NMNAT1: variants seen among roughly 807,000 people sequenced by gnomAD.
NMNAT1 encodes nicotinamide nucleotide adenylyltransferase 1.
A neutral mutation model predicts 16.7 loss-of-function variants in NMNAT1; 11 were observed. The ratio of observed to expected loss-of-function variants is 0.66; its 90% CI spans 0.41 to 1.09. The LOEUF is 1.09. Ranked by LOEUF, NMNAT1 falls within the 50% of genes least tolerant of loss-of-function variation. The pLI, the probability that NMNAT1 is intolerant of heterozygous loss-of-function variation, is 0.00. For synonymous variants in NMNAT1, 110 were observed against 119.8 expected (o/e 0.92, Z 0.53); for missense variants, 280 against 332.3 (o/e 0.84, Z 1.22).
rs1641329713 is a variant in NMNAT1 at position 9,958,729 on chromosome 1, C to T, written c.-56-13289C>T. Among the ~76,000 whole-genome samples, 3 of 152,160 alleles carry T rather than the reference C, an allele frequency of 2.0e-5. No individual in the cohort carries two copies. The South Asian group carries it at 6.2e-4, about 32-fold the overall frequency. On this transcript the variant is annotated intron_variant, in intron 1 of 4. Coordinates refer to ENST00000377205, the MANE Select transcript of NMNAT1 (RefSeq NM_022787.4). ...CTGGGATTAGAGGTGTGAGCCACTG[C>T]TCCCAGCCTGTTGATACTGATCTTT... is the stretch of plus-strand genomic sequence containing the variant.
Position 9,983,667 on chromosome 1 carries a change from AAAGCCTGAC to A in NMNAT1, c.*968_*976del, listed in dbSNP as rs2101718319. The stretch of plus-strand genomic sequence containing the variant: ...CGAGACTCCATCTCAAAAAAAAAAA[AAAGCCTGAC>A]AGCTAGCAGGTTTCAGGATCCATCT... On this transcript the variant is annotated 3_prime_UTR_variant, in exon 5 of 5. Coordinates refer to ENST00000377205, the MANE Select transcript of NMNAT1 (RefSeq NM_022787.4). The A allele has an allele frequency of 6.6e-6, 1 of 152,360 alleles. No homozygotes were observed. Among genetic ancestry groups the A allele is most frequent in the African/African-American group, 2.4e-5 (1 of 41,532 alleles). 9.4% of individuals were successfully genotyped at this position (152,360 alleles called of 1,614,324 possible).
At chr1:9,972,561 C>A in intron 2 of NMNAT1, 1 of 177,280 alleles carries the variant, frequency 5.6e-6, no homozygotes, top group Non-Finnish European at 1.2e-5. Context: ...ATTTCATTGA[C>A]TGGGCACAAA....
intron 1 of NMNAT1, chr1:9,950,000 G>C (rs1321939742): frequency 1.3e-5 from 2 of 152,150 alleles, no homozygotes; most frequent in Non-Finnish European, 2.9e-5. Context: ...TATTTGGGGT[G>C]AATTGGGTTA....
At position 9,982,664 on chromosome 1, in the gene NMNAT1, C is replaced by T; in HGVS notation, c.803C>T (p.Ala268Val). Reference protein sequence around the residue: ...SEDRNAGVILAPLQRNTAEAK... With the variant: ...SEDRNAGVILVPLQRNTAEAK... ...GACAGGAATGCTGGGGTCATCCTGG[C>T]CCCTTTGCAGAGAAACACTGCAGAA... is the stretch of plus-strand genomic sequence containing the variant. Residue 268 changes from alanine to valine, a missense_variant, in exon 5 of 5, where the codon GCC becomes GTC. By Grantham distance (64) the Ala-to-Val change is moderately conservative. Transcript: ENST00000377205. 6.2e-7 allele frequency: 1 copy of T among 1,613,234 alleles called. No homozygotes were observed. The highest frequency in any genetic ancestry group is 8.5e-7 in the Non-Finnish European group (1 of 1,179,546).
At position 9,943,492 on chromosome 1, in the gene NMNAT1, G is replaced by C. The variant is rs1177430170; in HGVS notation, c.-80G>C. 6.6e-6 allele frequency: 1 copy of C among 152,370 alleles called. No homozygotes were observed. The allele number at this position is 152,370 out of a possible 1,614,324, so 9.4% of individuals were successfully genotyped here. On this transcript the variant is annotated 5_prime_UTR_variant, in exon 1 of 5. Coordinates refer to ENST00000377205, the MANE Select transcript of NMNAT1 (RefSeq NM_022787.4). ...CCGCTGGTGATCTCCGGTAGCACTC[G>C]GGCCGGCGGACAGTGAGGGCGCGGT...
Position 9,975,723 on chromosome 1 carries a change from G to T in NMNAT1, c.247G>T (p.Asp83Tyr). 6.2e-7 allele frequency: 1 copy of T among 1,614,106 alleles called. No homozygotes were observed. The highest frequency in any genetic ancestry group is 8.5e-7 in the Non-Finnish European group (1 of 1,179,984). Reference protein sequence around the residue: ...ATKNSKWVEVDTWESLQKEWK... With the variant: ...ATKNSKWVEVYTWESLQKEWK... ...CAAGAATTCTAAATGGGTGGAAGTT[G>T]ATACATGGGAAAGTCTTCAGAAGGA... Residue 83 changes from aspartate (D) to tyrosine (Y), a missense_variant, in exon 3 of 5, where the codon GAT becomes TAT. Asp to Tyr is a radical substitution (Grantham distance 160). Transcript: ENST00000377205.
the NMNAT1 span, among the ~76,000 whole-genome samples, chr1:9,992,788 T>C: frequency 9.9e-5 from 15 of 152,066 alleles, no homozygotes; most frequent in Non-Finnish European, 1.8e-4. Context: ...GGCGGGTGCC[T>C]GTAGTCCCAG....
intron 1 of NMNAT1, among the ~76,000 whole-genome samples, chr1:9,971,656 A>T (rs1641690562): frequency 1.3e-5 from 2 of 151,970 alleles, no homozygotes; most frequent in African/African-American, 2.4e-5. Context: ...GAGAATGTGG[A>T]AGGACATCAA....
At chr1:9,950,492 G>C (rs573969428) in intron 1 of NMNAT1, 2 of 152,270 alleles carry the variant, frequency 1.3e-5, no homozygotes, top group Admixed American at 6.6e-5. Context: ...TGTGATGGCC[G>C]ATAGGTGGCA....
downstream of NMNAT1, among the ~76,000 whole-genome samples, chr1:9,989,237 C>T (rs1224346091): frequency 1.3e-5 from 2 of 152,066 alleles, no homozygotes; most frequent in African/African-American, 2.4e-5. Flanking sequence ...GCGGGCAGAT[C>T]ACTTGAGGTC....
At chr1:9,969,365 A>T (rs1325150810) in intron 1 of NMNAT1, among the ~76,000 whole-genome samples, 1 of 152,198 alleles carries the variant, frequency 6.6e-6, no homozygotes, top group Non-Finnish European at 1.5e-5. Context: ...GTAATGGCAG[A>T]AGTGAAAACT....
the NMNAT1 span, among the ~76,000 whole-genome samples, chr1:9,993,292 G>A: frequency 1.3e-5 from 2 of 151,944 alleles, no homozygotes; most frequent in East Asian, 3.9e-4. Flanking sequence ...CAGCCTGACC[G>A]ATACGGTGAA....
intron 1 of NMNAT1, among the ~76,000 whole-genome samples, chr1:9,970,685 G>A (rs60521944): frequency 1.2e-3 from 172 of 147,118 alleles, no homozygotes; most frequent in African/African-American, 4.0e-3. Flanking sequence ...TGAGACTCCC[G>A]TCTCAAAAAA....
intron 1 of NMNAT1, among the ~76,000 whole-genome samples, chr1:9,959,137 C>T (rs774132398): frequency 6.6e-6 from 1 of 152,038 alleles, no homozygotes; most frequent in Non-Finnish European, 1.5e-5. Context: ...TTTGGGAAGC[C>T]GAGGCAGGTG....
chr1:9,950,879 A>T (rs1219860705), intron 1 of NMNAT1, among the ~76,000 whole-genome samples: 1 of 152,146 alleles, frequency 6.6e-6, no homozygotes, highest in Non-Finnish European at 1.5e-5. Flanking sequence ...AGTTGAGGTC[A>T]GGAGTTCAAG....
the NMNAT1 span, among the ~76,000 whole-genome samples, chr1:9,995,423 T>C: frequency 6.6e-6 from 1 of 151,220 alleles, no homozygotes; most frequent in African/African-American, 2.4e-5. Context: ...CTGGGTGTGG[T>C]GGCTCATGCC....
At position 9,985,486 on chromosome 1, in the gene NMNAT1, G is replaced by A. The variant is rs956372031; in HGVS notation, c.*2785G>A. ...TTTACCCTAAGTGAGGACAAATAAAGCTTTCAACAACAGTTTGTGGTAGTC... is the reference window on the plus strand; with the variant it reads ...TTTACCCTAAGTGAGGACAAATAAAACTTTCAACAACAGTTTGTGGTAGTC... On this transcript the variant is annotated 3_prime_UTR_variant, in exon 5 of 5. Transcript: ENST00000377205. 6.6e-6 allele frequency: 1 copy of A among 152,148 alleles called. No individual in the cohort carries two copies. The highest frequency in any genetic ancestry group is 2.4e-5 in the African/African-American group (1 of 41,448). The allele number at this position is 152,148 out of a possible 1,614,324, so 9.4% of individuals were successfully genotyped here.
the NMNAT1 span, among the ~76,000 whole-genome samples, chr1:9,993,407 T>G: frequency 6.7e-6 from 1 of 150,372 alleles, no homozygotes; most frequent in Non-Finnish European, 1.5e-5. Flanking sequence ...ATTCAGGAGG[T>G]GGAGGTTGCA....
At chr1:9,978,435 G>C (rs1641862857) in intron 3 of NMNAT1, among the ~76,000 whole-genome samples, 1 of 152,204 alleles carries the variant, frequency 6.6e-6, no homozygotes. Flanking sequence ...AATCTCTCAG[G>C]AGAGAATCTC....
Sources: gnomAD v4.1 joint callset for allele counts (sites outside exome capture counted in the v4.1 genomes callset) on GRCh38, gnomAD v4.1.1 for gene constraint, MANE v1.5 for transcripts, NCBI Gene and HGNC (gene_info 2026-07-23, HGNC 2026-07-21) for gene names.